EMX1: variants seen among roughly 807,000 people sequenced by gnomAD.
EMX1 encodes homeobox protein EMX1.
Under a neutral mutation model 20.1 loss-of-function variants are expected in EMX1, and 10 were observed. That is an observed-to-expected ratio of 0.50 (90% CI 0.31 to 0.84). The LOEUF is 0.84. Ranked by LOEUF, EMX1 falls within the 40% of genes least tolerant of loss-of-function variation. The pLI is 0.05. For missense variants in EMX1, 424 were observed against 431.9 expected (o/e 0.98, Z 0.16); for synonymous variants, 250 against 200.4 (o/e 1.25, Z -2.09).
At position 72,917,720 on chromosome 2, in the gene EMX1, G is replaced by A. The variant is rs1670992415; in HGVS notation, c.-133G>A. On this transcript the variant is annotated 5_prime_UTR_variant, in exon 1 of 3. Coordinates refer to ENST00000258106, the MANE Select transcript of EMX1 (RefSeq NM_004097.3). Reference sequence around the variant, plus strand: ...CCCGCTCCGCCGCAGCAGCCGCCGCGCCTGGCCGTACGCTGTGGCCGGACC... The same window carrying A: ...CCCGCTCCGCCGCAGCAGCCGCCGCACCTGGCCGTACGCTGTGGCCGGACC... The A allele has an allele frequency of 4.6e-6, 4 of 874,422 alleles. No individual in the cohort carries two copies. The highest frequency in any genetic ancestry group is 5.8e-5 in the South Asian group (1 of 17,370). The allele number at this position is 874,422 out of a possible 1,614,324, so 54.2% of individuals were successfully genotyped here. A position where few individuals can be genotyped will look rare whatever the true frequency, so the allele number is the denominator to read the frequency against.
Position 72,917,815 on chromosome 2 carries a change from G to T in EMX1, c.-38G>T. 7.8e-7 allele frequency: 1 copy of T among 1,276,836 alleles called. No individual in the cohort carries two copies. The highest frequency in any genetic ancestry group is 2.6e-5 in the South Asian group (1 of 38,526). The allele number at this position is 1,276,836 out of a possible 1,614,324, so 79.1% of individuals were successfully genotyped here. Reference sequence around the variant, plus strand: ...TCGCCCGCGGGGGCCGAGCGCGAGCGGGCGGGCGGGGGAGGTGAGGGGTGC... The same window carrying T: ...TCGCCCGCGGGGGCCGAGCGCGAGCTGGCGGGCGGGGGAGGTGAGGGGTGC... On this transcript the variant is annotated 5_prime_UTR_variant, in exon 1 of 3. Coordinates refer to ENST00000258106, the MANE Select transcript of EMX1 (RefSeq NM_004097.3).
intron 2 of EMX1, among the ~76,000 whole-genome samples, chr2:72,931,929 G>A (rs1034116931): frequency 3.9e-5 from 6 of 152,254 alleles, no homozygotes; most frequent in African/African-American, 1.4e-4. Context: ...AAGTCCTGGG[G>A]TAGGTGGGAC....
chr2:72,917,279 C>T (rs1000488950), upstream of EMX1, among the ~76,000 whole-genome samples: 2 of 108,388 alleles, frequency 1.8e-5, no homozygotes, highest in Non-Finnish European at 3.8e-5. Flanking sequence ...TTCTTCGGCT[C>T]CCGCGTGGGT....
intron 2 of EMX1, among the ~76,000 whole-genome samples, chr2:72,927,380 C>T (rs904802981): frequency 6.6e-6 from 1 of 152,156 alleles, no homozygotes; most frequent in Admixed American, 6.5e-5. Flanking sequence ...GATTGAATGA[C>T]ACAAATTCCA....
At chr2:72,921,860 T>C (rs1385497019) in intron 1 of EMX1, among the ~76,000 whole-genome samples, 1 of 152,206 alleles carries the variant, frequency 6.6e-6, no homozygotes, top group Non-Finnish European at 1.5e-5. Context: ...AAGGGGCATG[T>C]ATGTTGGTAC....
At chr2:72,916,895 G>A (rs1670973814), upstream of EMX1, 2 of 717,260 alleles carry the variant, frequency 2.8e-6, no homozygotes, top group Non-Finnish European at 2.6e-6. Flanking sequence ...ACAGCTGGAG[G>A]GTGGCAGTGG....
chr2:72,934,058 G>A lies in EMX1; in HGVS notation c.*104G>A, dbSNP rs1019310708. 1 of 1,458,430 alleles carries A rather than the reference G, an allele frequency of 6.9e-7. No individual in the cohort carries two copies. The highest frequency in any genetic ancestry group is 2.2e-5 in the Admixed American group (1 of 45,240). The allele number at this position is 1,458,430 out of a possible 1,614,324, so 90.3% of individuals were successfully genotyped here. A position where few individuals can be genotyped will look rare whatever the true frequency, so the allele number is the denominator to read the frequency against. On this transcript the variant is annotated 3_prime_UTR_variant, in exon 3 of 3. Transcript: ENST00000258106. ...TGGCCACTCCCTGGCCAGGCTTTGG[G>A]GAGGCCTGGAGTCATGGCCCCACAG...
chr2:72,933,406 G>A (rs984008490), intron 2 of EMX1: 4 of 200,252 alleles, frequency 2.0e-5, no homozygotes, highest in African/African-American at 7.0e-5. Context: ...GTGAAGAAGC[G>A]ATTATGATCT....
At position 72,918,189 on chromosome 2, in the gene EMX1, G is replaced by A. The variant is rs531527193; in HGVS notation, c.337G>A (p.Gly113Ser). Residue 113 changes from glycine to serine, a missense_variant, in exon 1 of 3, where the codon GGT (glycine) becomes AGT (serine). Gly to Ser is a moderately conservative substitution (Grantham distance 56, BLOSUM62 0). Transcript: ENST00000258106. The part of the protein sequence containing the change: ...AAAGAGRSLY[G>S]GPELVFPEAM... ...CGCGGGCGCGGGCCGCTCGCTCTAC[G>A]GTGGGCCCGAGCTCGTGTTCCCCGA... 2 of 1,551,386 alleles carry A rather than the reference G, an allele frequency of 1.3e-6. No individual in the cohort carries two copies. The highest frequency in any genetic ancestry group is 1.4e-5 in the African/African-American group (1 of 70,284).
Position 72,924,494 on chromosome 2 carries a change from G to A in EMX1, c.705+1G>A. ...CAGTCTCAGCCTCTCCGAGACGCAG[G>A]TAATCACCCCCGGTCGCGGCCTGCC... On this transcript the variant is annotated splice_donor_variant, in intron 2 of 2. Transcript: ENST00000258106. LOFTEE classifies it high-confidence loss of function. The A allele has an allele frequency of 6.3e-7, 1 of 1,581,252 alleles. No homozygotes were observed. Among genetic ancestry groups the A allele is most frequent in the Non-Finnish European group, 8.6e-7 (1 of 1,168,092 alleles).
chr2:72,919,474 G>A (rs1039882509), intron 1 of EMX1, among the ~76,000 whole-genome samples: 1 of 152,204 alleles, frequency 6.6e-6, no homozygotes, highest in African/African-American at 2.4e-5. Flanking sequence ...AAATGAAAGG[G>A]ACATGGCTGG....
intron 2 of EMX1, among the ~76,000 whole-genome samples, chr2:72,927,578 G>T (rs1225490483): frequency 6.6e-6 from 1 of 152,246 alleles, no homozygotes; most frequent in Non-Finnish European, 1.5e-5. Flanking sequence ...CCAGCAGTAT[G>T]CGTCTCTCAG....
At chr2:72,918,558 C>T (rs1671040517) in intron 1 of EMX1, among the ~76,000 whole-genome samples, 186 bp downstream of exon 1, 1 of 152,264 alleles carries the variant, frequency 6.6e-6, no homozygotes, top group African/African-American at 2.4e-5. Flanking sequence ...CCGCGTAGGT[C>T]TCCCTCCCAG....
chr2:72,931,303 C>G (rs1559061740), intron 2 of EMX1, among the ~76,000 whole-genome samples: 1 of 152,240 alleles, frequency 6.6e-6, no homozygotes, highest in Non-Finnish European at 1.5e-5. Context: ...CACTACAGGC[C>G]AATGTGACCG....
In EMX1 at chr2:72,918,197, C is replaced by A; in HGVS notation, c.345C>A (p.Pro115=). The part of the protein sequence containing the change: ...AGAGRSLYGG[P]ELVFPEAMNH... ...CGGGCCGCTCGCTCTACGGTGGGCC[C>A]GAGCTCGTGTTCCCCGAGGCCATGA... Residue 115 remains proline, a synonymous_variant, in exon 1 of 3, where the codon CCC becomes CCA. Coordinates refer to ENST00000258106, the MANE Select transcript of EMX1 (RefSeq NM_004097.3). 1 of 1,558,080 alleles carries A rather than the reference C, an allele frequency of 6.4e-7. No individual in the cohort carries two copies. Among genetic ancestry groups the A allele is most frequent in the Non-Finnish European group, 8.6e-7 (1 of 1,164,566 alleles).
intron 2 of EMX1, among the ~76,000 whole-genome samples, chr2:72,928,683 G>A (rs903755354): frequency 2.0e-5 from 3 of 152,220 alleles, no homozygotes; most frequent in African/African-American, 4.8e-5. Flanking sequence ...GTACAGAAAC[G>A]TGGCCTGTGG....
At chr2:72,916,631 G>A (rs1670966707), upstream of EMX1, 2 of 695,424 alleles carry the variant, frequency 2.9e-6, no homozygotes, top group East Asian at 2.7e-5. Flanking sequence ...GGTGAAGGTC[G>A]AGGGAGGTCA....
chr2:72,922,903 T>G (rs1453248530), intron 1 of EMX1, among the ~76,000 whole-genome samples: 5 of 152,226 alleles, frequency 3.3e-5, no homozygotes, highest in Non-Finnish European at 1.5e-5. Context: ...TCTGAAGAAA[T>G]TAATTGGATC....
At chr2:72,925,585 C>T (rs1158345522) in intron 2 of EMX1, 2 of 1,281,766 alleles carry the variant, frequency 1.6e-6, no homozygotes, top group African/African-American at 1.5e-5. Context: ...GACTTTTCAC[C>T]TTCCGCTCCC....
Sources: allele counts gnomAD v4.1 joint callset (sites outside exome capture counted in the v4.1 genomes callset), GRCh38; gene constraint gnomAD v4.1.1; transcripts MANE v1.5; gene names NCBI Gene and HGNC (gene_info 2026-07-23, HGNC 2026-07-21).